NEK7: variants seen among roughly 807,000 people sequenced by gnomAD.
NEK7 encodes NIMA related kinase 7.
A neutral mutation model predicts 44.6 loss-of-function variants in NEK7; 18 were observed. The observed-to-expected ratio is 0.40, with a 90% CI of 0.28 to 0.60. NEK7 has a LOEUF of 0.60. Among genes scored for constraint, NEK7 ranks in the 20% least tolerant of loss-of-function variants. The pLI is 0.38. For missense variants in NEK7, 256 were observed against 366.5 expected (o/e 0.70, Z 2.46); for synonymous variants, 130 against 121.1 (o/e 1.07, Z -0.48).
rs1242463371 is a variant in NEK7 at position 198,228,521 on chromosome 1, C to G, written c.-28-4032C>G. 1.3e-4 allele frequency among the ~76,000 whole-genome samples: 18 copies of G among 143,666 alleles called. No individual in the cohort carries two copies. In the South Asian group the frequency reaches 2.2e-3, roughly 17 times the overall value. 94.3% of individuals were successfully genotyped at this position (143,666 alleles called of 152,430 possible). On this transcript the variant is annotated intron_variant, in intron 1 of 9. Transcript: ENST00000367385. ...ATGAGCATGGAATGTTCTTCCATTT[C>G]TTTGTATCCTCTTTTATTTCATTGA...
intron 1 of NEK7, among the ~76,000 whole-genome samples, chr1:198,178,607 T>C (rs941686242): frequency 2.0e-5 from 3 of 152,120 alleles, no homozygotes; most frequent in Admixed American, 6.6e-5. Flanking sequence ...AGAAGTCTTA[T>C]AGCTAAGAAA....
intron 2 of NEK7, among the ~76,000 whole-genome samples, chr1:198,248,197 T>C (rs1666888845): frequency 6.6e-6 from 1 of 152,180 alleles, no homozygotes; most frequent in South Asian, 2.1e-4. Flanking sequence ...TAGTTTTAAA[T>C]AGGCTTTTTT....
chr1:198,230,702 A>G (rs1333967271), intron 1 of NEK7, among the ~76,000 whole-genome samples: 1 of 152,096 alleles, frequency 6.6e-6, no homozygotes, highest in African/African-American at 2.4e-5. Context: ...CAGAAAAGCT[A>G]CTTGGACTAA....
chr1:198,175,836 A>G (rs998726649), intron 1 of NEK7, among the ~76,000 whole-genome samples: 7 of 152,222 alleles, frequency 4.6e-5, no homozygotes, highest in African/African-American at 1.4e-4. Flanking sequence ...AGCAGAAGAA[A>G]TAATACTATC....
intron 9 of NEK7, among the ~76,000 whole-genome samples, chr1:198,312,404 A>T (rs932116383): frequency 6.6e-6 from 1 of 151,118 alleles, no homozygotes; most frequent in African/African-American, 2.4e-5. Flanking sequence ...TGGATTCATT[A>T]ATTTTTTGAA....
At chr1:198,270,995 T>C (rs1653820667) in intron 5 of NEK7, among the ~76,000 whole-genome samples, 1 of 152,026 alleles carries the variant, frequency 6.6e-6, no homozygotes, top group Admixed American at 6.6e-5. Context: ...TGGCTAAAGT[T>C]CCTACTTCCC....
intron 1 of NEK7, among the ~76,000 whole-genome samples, chr1:198,216,130 T>C (rs1200093902): frequency 6.6e-6 from 1 of 152,128 alleles, no homozygotes; most frequent in Non-Finnish European, 1.5e-5. Context: ...TATACATTTT[T>C]CTCATCAGCA....
intron 9 of NEK7, among the ~76,000 whole-genome samples, chr1:198,315,281 G>A (rs1372539960): frequency 1.3e-5 from 2 of 152,128 alleles, no homozygotes; most frequent in Admixed American, 6.5e-5. Flanking sequence ...GCAATGCCTC[G>A]CCCTGCTTCG....
intron 1 of NEK7, among the ~76,000 whole-genome samples, chr1:198,225,032 A>G (rs1666174418): frequency 6.6e-6 from 1 of 152,062 alleles, no homozygotes; most frequent in Non-Finnish European, 1.5e-5. Context: ...GAGTAATCAT[A>G]TAACAGTAGT....
chr1:198,274,630 A>T (rs1057452297), intron 5 of NEK7, among the ~76,000 whole-genome samples: 1 of 151,748 alleles, frequency 6.6e-6, no homozygotes, highest in Non-Finnish European at 1.5e-5. Context: ...TCTTCCTGAG[A>T]TTTCTTGAGG....
intron 1 of NEK7, among the ~76,000 whole-genome samples, chr1:198,228,353 T>A (rs952105776): frequency 1.3e-5 from 2 of 152,230 alleles, no homozygotes; most frequent in African/African-American, 4.8e-5. Flanking sequence ...CAATGCAGGC[T>A]CTTTTTTGGT....
intron 1 of NEK7, among the ~76,000 whole-genome samples, chr1:198,159,402 ACTGAAAG>A: frequency 6.6e-6 from 1 of 152,164 alleles, no homozygotes; most frequent in East Asian, 1.9e-4. Context: ...CTTAACTACT[ACTGAAAG>A]TTTATAGTAG....
At chr1:198,232,338 G>A (rs1666419504) in intron 1 of NEK7, among the ~76,000 whole-genome samples, 1 of 152,122 alleles carries the variant, frequency 6.6e-6, no homozygotes, top group African/African-American at 2.4e-5. Context: ...AGCAAATAAT[G>A]CTTTTGGAGA....
At chr1:198,241,454 G>C (rs1409769647) in intron 2 of NEK7, among the ~76,000 whole-genome samples, 1 of 152,156 alleles carries the variant, frequency 6.6e-6, no homozygotes, top group Admixed American at 6.5e-5. Context: ...TCCCTTAGGG[G>C]GTCAGGGGAG....
chr1:198,294,006 T>C (rs905088375), intron 8 of NEK7, among the ~76,000 whole-genome samples: 3 of 151,926 alleles, frequency 2.0e-5, no homozygotes, highest in African/African-American at 7.2e-5. Flanking sequence ...CTATTTTAAT[T>C]GTACCACCAT....
intron 1 of NEK7, among the ~76,000 whole-genome samples, chr1:198,160,257 T>C (rs1366938983): frequency 6.6e-6 from 1 of 151,710 alleles, no homozygotes; most frequent in East Asian, 1.9e-4. Flanking sequence ...TTACGCACTT[T>C]TGGGGAAAAA....
chr1:198,202,751 C>A (rs968829971), intron 1 of NEK7, among the ~76,000 whole-genome samples: 3 of 152,134 alleles, frequency 2.0e-5, no homozygotes, highest in Admixed American at 2.0e-4. Context: ...TATTCACTAC[C>A]ATGAGAGCAA....
chr1:198,290,678 T>C (rs1162574426), intron 7 of NEK7, among the ~76,000 whole-genome samples: 1 of 152,172 alleles, frequency 6.6e-6, no homozygotes, highest in Non-Finnish European at 1.5e-5. Context: ...AAGTTACTCA[T>C]CTTATATAAT....
chr1:198,222,648 A>T (rs1443834464), intron 1 of NEK7, among the ~76,000 whole-genome samples: 1 of 152,046 alleles, frequency 6.6e-6, no homozygotes. Context: ...GCTAACATCG[A>T]TCCTCTATTC....
Sources: gnomAD v4.1 joint callset for allele counts (sites outside exome capture counted in the v4.1 genomes callset) on GRCh38, gnomAD v4.1.1 for gene constraint, MANE v1.5 for transcripts, NCBI Gene and HGNC (gene_info 2026-07-23, HGNC 2026-07-21) for gene names.